The following BMPR2 variants were observed in gnomAD, a reference collection of about 807,000 sequenced individuals.
The protein encoded by BMPR2 is bone morphogenetic protein receptor type-2.
Under a neutral mutation model 100.8 loss-of-function variants are expected in BMPR2, and 29 were observed. That is an observed-to-expected ratio of 0.29 (90% CI 0.21 to 0.39). The LOEUF is 0.39. Ranked by LOEUF, BMPR2 falls within the 10% of genes least tolerant of loss-of-function variation. The probability of loss-of-function intolerance (pLI) is 1.00; values close to 1 mark genes in which losing one functional copy is unlikely to be tolerated. For missense variants in BMPR2, 1,011 were observed against 1,274.5 expected (o/e 0.79, Z 3.15); for synonymous variants, 382 against 442.3 (o/e 0.86, Z 1.71).
chr2:202,385,361 C>CTTTTTTTTTTTTTTTTTTTTT (rs1161944548), intron 1 of BMPR2, among the ~76,000 whole-genome samples: 1 of 86,338 alleles, frequency 1.2e-5, no homozygotes, highest in Non-Finnish European at 2.2e-5. Context: ...AAAAAAGATG[C>CTTTTTTTTTTTTTTTTTTTTT]TTTTTTTTTT....
In BMPR2 at chr2:202,387,502, A is replaced by G. The variant is rs149489649; in HGVS notation, c.76+9952A>G. Among the ~76,000 whole-genome samples the G allele has an allele frequency of 4.5e-3, 679 of 152,384 alleles. 5 individuals are homozygous for G. Among genetic ancestry groups the G allele is most frequent in the Non-Finnish European group, 8.1e-3 (548 of 68,038 alleles). On this transcript the variant is annotated intron_variant, in intron 1 of 12. Coordinates refer to ENST00000374580, the MANE Select transcript of BMPR2 (RefSeq NM_001204.7). ...ATACATAAAGTGTTAGTCTAAAGGT[A>G]TAAAATACTTGGAATCTTTTAGGCA...
chr2:202,496,350 T>G (rs554162856), intron 3 of BMPR2, among the ~76,000 whole-genome samples: 17 of 152,150 alleles, frequency 1.1e-4, no homozygotes, highest in Admixed American at 4.6e-4. Flanking sequence ...CCAGACATGG[T>G]GGCATGAGAC....
At chr2:202,389,957 A>C (rs982021834) in intron 1 of BMPR2, among the ~76,000 whole-genome samples, 1 of 151,704 alleles carries the variant, frequency 6.6e-6, no homozygotes, top group Non-Finnish European at 1.5e-5. Context: ...AAGGGTTTTT[A>C]AACGATGATG....
chr2:202,383,404 G>T (rs1365143274), intron 1 of BMPR2, among the ~76,000 whole-genome samples: 1 of 152,202 alleles, frequency 6.6e-6, no homozygotes, highest in Non-Finnish European at 1.5e-5. Flanking sequence ...AATTAGGCCA[G>T]TTGCCATGGC....
chr2:202,442,328 C>T (rs1267596061), intron 1 of BMPR2, among the ~76,000 whole-genome samples: 1 of 150,400 alleles, frequency 6.6e-6, no homozygotes, highest in African/African-American at 2.5e-5. Flanking sequence ...AGTATCTTCA[C>T]CTATTTTGGG....
In BMPR2 at chr2:202,475,908, TA is replaced by T. The variant is rs200022935; in HGVS notation, c.418+8228del. 1.3e-3 allele frequency among the ~76,000 whole-genome samples: 188 copies of T among 149,756 alleles called. 1 individual carries two copies. The highest frequency in any genetic ancestry group is 4.3e-3 in the African/African-American group (176 of 40,692). The stretch of plus-strand genomic sequence containing the variant: ...CAACATGGAGAAACCCCGTCTCTAC[TA>T]AAAAAAAATGCAAAATTAGCCGGGC... On this transcript the variant is annotated intron_variant, in intron 3 of 12. Coordinates refer to ENST00000374580, the MANE Select transcript of BMPR2 (RefSeq NM_001204.7).
chr2:202,564,030 A>ACC lies in BMPR2; in HGVS notation c.*4084_*4085insCC, dbSNP rs1688716003. On this transcript the variant is annotated 3_prime_UTR_variant, in exon 13 of 13. Coordinates refer to ENST00000374580, the MANE Select transcript of BMPR2 (RefSeq NM_001204.7). Reference sequence around the variant, plus strand: ...GTAAGTGTGGGCTTCAGTGGGAATTATCACAAAACATTGGCAAGTATTTTT... The same window carrying ACC: ...GTAAGTGTGGGCTTCAGTGGGAATTACCTCACAAAACATTGGCAAGTATTTTT... 1 of 152,238 alleles carries ACC rather than the reference A, an allele frequency of 6.6e-6. No homozygotes were observed. Among genetic ancestry groups the ACC allele is most frequent in the South Asian group, 2.1e-4 (1 of 4,830 alleles). The allele number at this position is 152,238 out of a possible 1,614,324, so 9.4% of individuals were successfully genotyped here. A position where few individuals can be genotyped will look rare whatever the true frequency, so the allele number is the denominator to read the frequency against.
chr2:202,459,567 C>G (rs1227142702), intron 1 of BMPR2, among the ~76,000 whole-genome samples: 1 of 152,116 alleles, frequency 6.6e-6, no homozygotes, highest in Admixed American at 6.6e-5. Context: ...TTATCTCCCA[C>G]TTATAATTGA....
At chr2:202,440,591 G>T (rs754769301) in intron 1 of BMPR2, among the ~76,000 whole-genome samples, 18 of 150,706 alleles carry the variant, frequency 1.2e-4, no homozygotes, top group Non-Finnish European at 2.5e-4. Context: ...CTGCAATCTC[G>T]GCACTTTGGG....
chr2:202,557,256 G>C (rs760580559), intron 12 of BMPR2, among the ~76,000 whole-genome samples: 6 of 152,006 alleles, frequency 3.9e-5, no homozygotes, highest in African/African-American at 1.5e-4. Flanking sequence ...GAGGTCAAGA[G>C]TTCAAGATCA....
chr2:202,542,175 G>A (rs921685184), intron 9 of BMPR2, 136 bp from the exon 10 acceptor site: 3 of 990,346 alleles, frequency 3.0e-6, no homozygotes, highest in East Asian at 5.2e-5. Context: ...TTCCAAATGT[G>A]CCTGAAGGGG....
intron 1 of BMPR2, among the ~76,000 whole-genome samples, chr2:202,442,049 T>G (rs1447153044): frequency 1.3e-5 from 2 of 149,608 alleles, no homozygotes; most frequent in Admixed American, 6.6e-5. Flanking sequence ...AAAAAAAAAA[T>G]TATAAAATGC....
At chr2:202,506,381 C>T (rs939933159) in intron 3 of BMPR2, among the ~76,000 whole-genome samples, 1 of 152,016 alleles carries the variant, frequency 6.6e-6, no homozygotes, top group East Asian at 1.9e-4. Flanking sequence ...TGGTCTCAAA[C>T]TCCTTACCTC....
intron 9 of BMPR2, among the ~76,000 whole-genome samples, chr2:202,536,953 A>G (rs1010100591): frequency 3.3e-5 from 5 of 151,792 alleles, no homozygotes; most frequent in African/African-American, 7.3e-5. Context: ...GCCGGAGTGC[A>G]GTAGTGCAAT....
intron 1 of BMPR2, among the ~76,000 whole-genome samples, chr2:202,417,523 A>G (rs1691159295): frequency 1.3e-5 from 2 of 150,960 alleles, no homozygotes; most frequent in Non-Finnish European, 3.0e-5. Context: ...GGCTGGTCTC[A>G]AACTCCCGAC....
intron 1 of BMPR2, among the ~76,000 whole-genome samples, chr2:202,419,596 C>T (rs1691215287): frequency 6.6e-6 from 1 of 152,014 alleles, no homozygotes; most frequent in Non-Finnish European, 1.5e-5. Flanking sequence ...ACCTTGTAAT[C>T]CACCCGTCTC....
At position 202,394,188 on chromosome 2, in the gene BMPR2, G is replaced by A. The variant is rs547860662; in HGVS notation, c.76+16638G>A. Among the ~76,000 whole-genome samples, 138 of 151,934 alleles carry A rather than the reference G, an allele frequency of 9.1e-4. 1 individual carries two copies. The highest frequency in any genetic ancestry group is 3.1e-3 in the African/African-American group (130 of 41,454). On this transcript the variant is annotated intron_variant, in intron 1 of 12. Coordinates refer to ENST00000374580, the MANE Select transcript of BMPR2 (RefSeq NM_001204.7). ...AACATGGTGAAACCCTTTCTCTACT[G>A]AAAATACAAAAAAGTTAGATGGGCA...
intron 3 of BMPR2, 122 bp from the exon 4 acceptor site, chr2:202,513,597 G>C: frequency 1.6e-6 from 1 of 645,092 alleles, no homozygotes; most frequent in South Asian, 1.9e-5. Flanking sequence ...CATTTCCTTT[G>C]ATGCAAAAAC....
intron 3 of BMPR2, among the ~76,000 whole-genome samples, chr2:202,489,712 ATTAC>A (rs1419322579): frequency 1.3e-5 from 2 of 152,208 alleles, no homozygotes; most frequent in Non-Finnish European, 2.9e-5. Context: ...GATTCTGGGC[ATTAC>A]TTACAGACTC....
Sources: gnomAD v4.1 joint callset for allele counts (sites outside exome capture counted in the v4.1 genomes callset) on GRCh38, gnomAD v4.1.1 for gene constraint, MANE v1.5 for transcripts, NCBI Gene and HGNC (gene_info 2026-07-23, HGNC 2026-07-21) for gene names.